MTMR12: variants seen among roughly 807,000 people sequenced by gnomAD.
MTMR12 encodes myotubularin related protein 12, also known as myotubularin-related protein 12.
MTMR12 carries 33 observed loss-of-function variants against 96.7 expected under a neutral mutation model. The observed-to-expected ratio is 0.34, with a 90% CI of 0.26 to 0.46. MTMR12 has a LOEUF of 0.46. Among genes scored for constraint, MTMR12 ranks in the 20% least tolerant of loss-of-function variants. The pLI, the probability that MTMR12 is intolerant of heterozygous loss-of-function variation, is 1.00. For missense variants in MTMR12, 721 were observed against 896.1 expected (o/e 0.80, Z 2.49); for synonymous variants, 298 against 327.2 (o/e 0.91, Z 0.96).
At chr5:32,308,117 T>C (rs1050209128) in intron 1 of MTMR12, among the ~76,000 whole-genome samples, 62 of 151,556 alleles carry the variant, frequency 4.1e-4, no homozygotes, top group Non-Finnish European at 1.6e-4. Flanking sequence ...AGGTCAGGAG[T>C]TCGAGACCAG....
At chr5:32,280,887 G>C (rs146271703) in intron 1 of MTMR12, among the ~76,000 whole-genome samples, 1,733 of 152,198 alleles carry the variant, frequency 0.011, 17 homozygotes, top group South Asian at 0.023. Context: ...ATAGTTGTTG[G>C]GGGTAGCAGG....
chr5:32,237,905 G>A (rs546075065), intron 13 of MTMR12, among the ~76,000 whole-genome samples: 1 of 151,968 alleles, frequency 6.6e-6, no homozygotes, highest in South Asian at 2.1e-4. Flanking sequence ...CACTTTGGGA[G>A]GCTGAGGCAG....
intron 8 of MTMR12, among the ~76,000 whole-genome samples, chr5:32,254,147 A>G (rs531887097): frequency 6.6e-6 from 1 of 152,354 alleles, no homozygotes; most frequent in East Asian, 1.9e-4. Flanking sequence ...GAAAGACTGA[A>G]AGATAGAGAC....
chr5:32,239,534 C>T (rs149200059), intron 12 of MTMR12, among the ~76,000 whole-genome samples: 75 of 152,332 alleles, frequency 4.9e-4, no homozygotes, highest in African/African-American at 1.7e-3. Context: ...CCAGGCTCCG[C>T]AGGCCAAGAC....
At chr5:32,308,991 C>G (rs940935464) in intron 1 of MTMR12, among the ~76,000 whole-genome samples, 3 of 152,314 alleles carry the variant, frequency 2.0e-5, no homozygotes, top group South Asian at 4.1e-4. Flanking sequence ...ACTACAACAA[C>G]GAGGCATAGT....
At position 32,239,145 on chromosome 5, in the gene MTMR12, G is replaced by A. The variant is rs1748357409; in HGVS notation, c.1200C>T (p.Leu400=). 2.5e-6 allele frequency: 4 copies of A among 1,604,868 alleles called. No individual in the cohort carries two copies. Among genetic ancestry groups the A allele is most frequent in the Admixed American group, 1.7e-5 (1 of 59,028 alleles). The change falls in exon 13 of 16, where the codon CTC becomes CTT. Residue 400 remains leucine, a synonymous_variant. Coordinates refer to ENST00000382142, the MANE Select transcript of MTMR12 (RefSeq NM_001040446.3). ...LEENASDLCC[L]ISSLVQLMMD... The stretch of plus-strand genomic sequence containing the variant: ...TCATCAGTTGCACCAGAGAGGAAAT[G>A]AGACAGCAGAGGTCGGATGCATTCT...
intron 3 of MTMR12, 98 bp from the exon 4 acceptor site, chr5:32,272,003 A>T (rs1749854647): frequency 2.8e-6 from 2 of 705,148 alleles, no homozygotes; most frequent in Non-Finnish European, 4.4e-6. Flanking sequence ...TATTAAGAAA[A>T]ATGGGGGGCC....
At chr5:32,242,981 A>G (rs545121305) in intron 11 of MTMR12, among the ~76,000 whole-genome samples, 3 of 152,186 alleles carry the variant, frequency 2.0e-5, no homozygotes, top group East Asian at 3.9e-4. Flanking sequence ...CCTGATCATC[A>G]TTTCTGTTTT....
At chr5:32,247,793 A>G (rs1031692837) in intron 10 of MTMR12, 10 of 985,216 alleles carry the variant, frequency 1.0e-5, no homozygotes, top group Non-Finnish European at 9.6e-6. Context: ...GATCACTGCC[A>G]CAATAAGGAG....
At chr5:32,259,565 C>T (rs182691956) in intron 7 of MTMR12, among the ~76,000 whole-genome samples, 97 of 152,274 alleles carry the variant, frequency 6.4e-4, no homozygotes, top group Non-Finnish European at 1.3e-3. Flanking sequence ...TAACAATGGG[C>T]AAAAACAGCA....
At chr5:32,298,524 CACTGAAAAAGAA>C (rs1200997956) in intron 1 of MTMR12, among the ~76,000 whole-genome samples, 1 of 152,082 alleles carries the variant, frequency 6.6e-6, no homozygotes, top group Non-Finnish European at 1.5e-5. Flanking sequence ...TGAAACGACT[CACTGAAAAAGAA>C]AACTGTGCAG....
In MTMR12 at chr5:32,279,868, C is replaced by T. The variant is rs114447925; in HGVS notation, c.82-3126G>A. ...ATGCTCCTATAAGAATCTAATGCCG[C>T]CACTGATCCCACAGGAGGTGGAACT... is the stretch of plus-strand genomic sequence containing the variant. On this transcript the variant is annotated intron_variant, in intron 1 of 15. Transcript: ENST00000382142. Among the ~76,000 whole-genome samples the T allele has an allele frequency of 1.8e-3, 281 of 152,314 alleles. 1 individual carries two copies. The highest frequency in any genetic ancestry group is 6.5e-3 in the African/African-American group (269 of 41,568).
chr5:32,265,076 T>C (rs1051449287), intron 6 of MTMR12, among the ~76,000 whole-genome samples: 2 of 152,208 alleles, frequency 1.3e-5, no homozygotes, highest in African/African-American at 2.4e-5. Context: ...TAAAATGCCA[T>C]GTCATAAACA....
In MTMR12 at chr5:32,312,760, C is replaced by T; in HGVS notation, c.79G>A (p.Glu27Lys). 6.6e-7 allele frequency: 1 copy of T among 1,525,622 alleles called. No homozygotes were observed. The highest frequency in any genetic ancestry group is 8.8e-7 in the Non-Finnish European group (1 of 1,139,482). The allele number at this position is 1,525,622 out of a possible 1,614,324, so 94.5% of individuals were successfully genotyped here. ...KPSFVSYVRP[E>K]EIHTNEKEVT... Reference sequence around the variant, plus strand: ...CCGCCTGCGCGGCGCCCCCTCACCTCAGGGCGTACGTACGACACGAAGGAG... The same window carrying T: ...CCGCCTGCGCGGCGCCCCCTCACCTTAGGGCGTACGTACGACACGAAGGAG... The change falls in exon 1 of 16, where the codon GAG (glutamate) becomes AAG (lysine). Residue 27 changes from glutamate (E) to lysine (K), a missense_variant and splice_region_variant. By Grantham distance (56) the Glu-to-Lys change is moderately conservative. Transcript: ENST00000382142. The surrounding 1 kb of genome is among the most constrained non-coding windows in gnomAD (Gnocchi z 5.0).
intron 4 of MTMR12, among the ~76,000 whole-genome samples, 186 bp from the exon 5 acceptor site, chr5:32,271,133 G>C (rs775282103): frequency 1.3e-5 from 2 of 152,372 alleles, no homozygotes; most frequent in Middle Eastern, 6.8e-3. Context: ...CTGGCTCTCT[G>C]AGAGCAGTCA....
At chr5:32,269,796 AG>A in intron 5 of MTMR12, among the ~76,000 whole-genome samples, 1 of 152,240 alleles carries the variant, frequency 6.6e-6, no homozygotes, top group African/African-American at 2.4e-5. Flanking sequence ...TCCATTGTTG[AG>A]GCCTTTAGGA....
At chr5:32,298,151 G>A (rs1374212209) in intron 1 of MTMR12, among the ~76,000 whole-genome samples, 2 of 151,928 alleles carry the variant, frequency 1.3e-5, no homozygotes, top group African/African-American at 2.4e-5. Context: ...TGTGGTGTGT[G>A]GGCATCTGGG....
At chr5:32,297,423 T>A (rs1042265725) in intron 1 of MTMR12, among the ~76,000 whole-genome samples, 2 of 152,154 alleles carry the variant, frequency 1.3e-5, no homozygotes, top group Non-Finnish European at 2.9e-5. Context: ...GTAACAAGTC[T>A]CCAGGGCAGG....
At chr5:32,279,182 G>A (rs564432431) in intron 1 of MTMR12, among the ~76,000 whole-genome samples, 3 of 151,510 alleles carry the variant, frequency 2.0e-5, no homozygotes, top group East Asian at 3.9e-4. Flanking sequence ...CGAGGTGGGA[G>A]GACTGCTTGA....
Sources: gnomAD v4.1 joint callset for allele counts (sites outside exome capture counted in the v4.1 genomes callset) on GRCh38, gnomAD v4.1.1 for gene constraint, Gnocchi (gnomAD v3.1) non-coding constraint, MANE v1.5 for transcripts, NCBI Gene and HGNC (gene_info 2026-07-23, HGNC 2026-07-21) for gene names.